SPATS2L: variants seen among roughly 807,000 people sequenced by gnomAD.
SPATS2L encodes the protein spermatogenesis associated serine rich 2 like.
Under a neutral mutation model 59.6 loss-of-function variants are expected in SPATS2L, and 30 were observed. The observed-to-expected ratio is 0.50, with a 90% CI of 0.38 to 0.68. The LOEUF is 0.68. Ranked by LOEUF, SPATS2L falls within the 30% of genes least tolerant of loss-of-function variation. The pLI is 0.00. For synonymous variants in SPATS2L, 252 were observed against 263.5 expected (o/e 0.96, Z 0.42); for missense variants, 615 against 700.0 (o/e 0.88, Z 1.37).
chr2:200,358,447 C>G (rs536361916), intron 2 of SPATS2L, among the ~76,000 whole-genome samples: 1 of 152,198 alleles, frequency 6.6e-6, no homozygotes, highest in Non-Finnish European at 1.5e-5. Context: ...GCTAGAAATA[C>G]AGTGGAGTTC....
intron 1 of SPATS2L, among the ~76,000 whole-genome samples, chr2:200,319,804 G>A (rs1413753020): frequency 6.6e-6 from 1 of 152,118 alleles, no homozygotes; most frequent in East Asian, 1.9e-4. Flanking sequence ...TACAAAGCCA[G>A]GTCTCCTTTG....
chr2:200,430,738 G>GTT (rs2083873382), intron 6 of SPATS2L, among the ~76,000 whole-genome samples: 1 of 119,732 alleles, frequency 8.4e-6, no homozygotes. Flanking sequence ...TTTTTTTTGA[G>GTT]ACAGAGTCTT....
chr2:200,412,739 C>T (rs1379487418), intron 4 of SPATS2L, among the ~76,000 whole-genome samples: 3 of 152,094 alleles, frequency 2.0e-5, no homozygotes, highest in East Asian at 3.8e-4. Context: ...TCCTTGCCTA[C>T]CAGTCATTCC....
rs1329364512 is a variant in SPATS2L, at chr2:200,399,790, C to G, written c.39+10507C>G. 2.0e-5 allele frequency among the ~76,000 whole-genome samples: 3 copies of G among 152,288 alleles called. No homozygotes were observed. In the East Asian group the frequency reaches 5.8e-4, roughly 29 times the overall value. On this transcript the variant is annotated intron_variant, in intron 3 of 12. Coordinates refer to ENST00000409140, the MANE Select transcript of SPATS2L (RefSeq NM_001100423.2). The stretch of plus-strand genomic sequence containing the variant: ...GTTTAAATCATCGGCTTCCTCTACA[C>G]CACAGTGAAGAAATATCCAAGGTTA...
At position 200,386,074 on chromosome 2, in the gene SPATS2L, T is replaced by C. The variant is rs2081984442; in HGVS notation, c.-22-3149T>C. On this transcript the variant is annotated intron_variant, in intron 2 of 12. Transcript: ENST00000409140. ...AACTAGTTCCCCATTGCCTCTGTTATGCACCAGCTAGCAGAAAGCTGTGAT... is the reference window on the plus strand; with the variant it reads ...AACTAGTTCCCCATTGCCTCTGTTACGCACCAGCTAGCAGAAAGCTGTGAT... 2.0e-5 allele frequency among the ~76,000 whole-genome samples: 3 copies of C among 152,226 alleles called. No homozygotes were observed. The South Asian group carries it at 6.2e-4, about 31-fold the overall frequency.
intron 2 of SPATS2L, among the ~76,000 whole-genome samples, chr2:200,386,961 A>G (rs1312866452): frequency 2.0e-5 from 3 of 152,244 alleles, no homozygotes; most frequent in Non-Finnish European, 2.9e-5. Context: ...GTCTTCCAAT[A>G]TAATGATTGC....
At chr2:200,402,755 G>T (rs964817551) in intron 3 of SPATS2L, among the ~76,000 whole-genome samples, 1 of 152,154 alleles carries the variant, frequency 6.6e-6, no homozygotes, top group Non-Finnish European at 1.5e-5. Context: ...GGTATTAAAA[G>T]ATTAATTTCA....
chr2:200,433,785 C>A (rs1194782889), intron 6 of SPATS2L, among the ~76,000 whole-genome samples: 1 of 152,002 alleles, frequency 6.6e-6, no homozygotes, highest in African/African-American at 2.4e-5. Context: ...AATAGAAAAT[C>A]TGAATAACAC....
chr2:200,398,754 G>A (rs1388008861), intron 3 of SPATS2L, among the ~76,000 whole-genome samples: 1 of 152,180 alleles, frequency 6.6e-6, no homozygotes, highest in African/African-American at 2.4e-5. Context: ...CACTGGCACT[G>A]TGAAAGACCA....
At chr2:200,352,752 A>G (rs1438758767) in intron 2 of SPATS2L, among the ~76,000 whole-genome samples, 2 of 152,184 alleles carry the variant, frequency 1.3e-5, no homozygotes, top group African/African-American at 4.8e-5. Context: ...CCTTAGCCTC[A>G]TGGGCTGGTG....
At chr2:200,468,367 C>CACACACACACAA (rs1191274740) in intron 10 of SPATS2L, among the ~76,000 whole-genome samples, 2 of 151,594 alleles carry the variant, frequency 1.3e-5, no homozygotes, top group African/African-American at 4.8e-5. Flanking sequence ...CACACACACA[C>CACACACACACAA]ACACACACAC....
intron 1 of SPATS2L, among the ~76,000 whole-genome samples, chr2:200,321,905 A>G (rs929852052): frequency 1.3e-5 from 2 of 152,234 alleles, no homozygotes; most frequent in South Asian, 2.1e-4. Flanking sequence ...GCTCAAGGTC[A>G]CAGAGAGATA....
chr2:200,423,715 C>G (rs2083407528), intron 6 of SPATS2L, among the ~76,000 whole-genome samples: 1 of 152,194 alleles, frequency 6.6e-6, no homozygotes, highest in East Asian at 1.9e-4. Flanking sequence ...AATCGCCAGG[C>G]TACTATAGTG....
Position 200,360,967 on chromosome 2 carries a change from C to CTGTG in SPATS2L, c.-22-28229_-22-28226dup, listed in dbSNP as rs145080452. 6.2e-3 allele frequency among the ~76,000 whole-genome samples: 868 copies of CTGTG among 139,292 alleles called. 2 individuals are homozygous for CTGTG. Among genetic ancestry groups the CTGTG allele is most frequent in the East Asian group, 0.016 (74 of 4,598 alleles). The allele number at this position is 139,292 out of a possible 152,430, so 91.4% of individuals were successfully genotyped here. A position where few individuals can be genotyped will look rare whatever the true frequency, so the allele number is the denominator to read the frequency against. The stretch of plus-strand genomic sequence containing the variant: ...TAGAACAGAACAGAGCAGAACAGGG[C>CTGTG]TGTGTGTGTGTGTGTGTGTGTGTGT... On this transcript the variant is annotated intron_variant, in intron 2 of 12. Coordinates refer to ENST00000409140, the MANE Select transcript of SPATS2L (RefSeq NM_001100423.2).
intron 1 of SPATS2L, among the ~76,000 whole-genome samples, chr2:200,328,468 G>A (rs1178840135): frequency 6.6e-6 from 1 of 152,148 alleles, no homozygotes; most frequent in African/African-American, 2.4e-5. Flanking sequence ...AAGTCTTTAG[G>A]TCAATCCTCT....
intron 1 of SPATS2L, among the ~76,000 whole-genome samples, chr2:200,309,581 G>A (rs1024889275): frequency 5.3e-5 from 8 of 152,314 alleles, no homozygotes; most frequent in Admixed American, 5.2e-4. Context: ...ATGAGAGTAG[G>A]TGTCTCATAT....
At chr2:200,373,270 C>CAAAAAAAAAAAAAAAAAAA (rs3856514) in intron 2 of SPATS2L, 4 of 106,038 alleles carry the variant, frequency 3.8e-5, no homozygotes, top group Non-Finnish European at 1.9e-5. Flanking sequence ...ACTGCCTTAA[C>CAAAAAAAAAAAAAAAAAAA]AAAAAAAAAA....
intron 2 of SPATS2L, among the ~76,000 whole-genome samples, chr2:200,356,682 A>T (rs956102841): frequency 1.3e-5 from 2 of 152,230 alleles, no homozygotes; most frequent in Non-Finnish European, 2.9e-5. Context: ...TGGCTTGGTA[A>T]ATGACTAATA....
At chr2:200,380,114 G>C (rs369991720) in intron 2 of SPATS2L, among the ~76,000 whole-genome samples, 1 of 152,148 alleles carries the variant, frequency 6.6e-6, no homozygotes, top group East Asian at 1.9e-4. Flanking sequence ...TGCCGTAGGT[G>C]AATGCTAATA....
Sources: allele counts gnomAD v4.1 joint callset (sites outside exome capture counted in the v4.1 genomes callset), GRCh38; gene constraint gnomAD v4.1.1; transcripts MANE v1.5; gene names NCBI Gene and HGNC (gene_info 2026-07-23, HGNC 2026-07-21).